Variants in EFR3A observed in about 807,000 individuals in gnomAD.
The protein encoded by EFR3A is protein EFR3 homolog A.
In EFR3A, 76 loss-of-function variants were observed where a neutral mutation model predicts 104.4. The observed-to-expected ratio is 0.73, with a 90% CI of 0.60 to 0.88. EFR3A has a LOEUF of 0.88. EFR3A is among the 40% of genes least tolerant of loss of function. The pLI is 0.00. For missense variants in EFR3A, 985 were observed against 1,012.5 expected (o/e 0.97, Z 0.37); for synonymous variants, 330 against 330.0 (o/e 1.00, Z 0.00).
chr8:131,915,479 G>A (rs1445402721), intron 1 of EFR3A, among the ~76,000 whole-genome samples: 1 of 152,158 alleles, frequency 6.6e-6, no homozygotes. Context: ...AAGCACTGCT[G>A]GCTGGAGAAT....
intron 8 of EFR3A, among the ~76,000 whole-genome samples, chr8:131,960,387 A>G (rs184262229): frequency 1.3e-4 from 20 of 152,224 alleles, no homozygotes; most frequent in African/African-American, 4.6e-4. Context: ...CAGGACTTGA[A>G]TATGTGCAGA....
intron 1 of EFR3A, among the ~76,000 whole-genome samples, chr8:131,921,722 T>G (rs1193898942): frequency 6.6e-6 from 1 of 152,312 alleles, no homozygotes; most frequent in Admixed American, 6.5e-5. Flanking sequence ...TTTCCTTGTC[T>G]TAGTTATTTT....
At chr8:131,966,031 A>G (rs1004588143) in intron 8 of EFR3A, among the ~76,000 whole-genome samples, 3 of 152,054 alleles carry the variant, frequency 2.0e-5, no homozygotes, top group Admixed American at 1.3e-4. Context: ...TGGACACAGG[A>G]AGGGGAACAT....
chr8:131,909,735 A>G lies in EFR3A; in HGVS notation c.10+5413A>G, dbSNP rs181593981. The stretch of plus-strand genomic sequence containing the variant: ...GGTAACAGGGGCTGTCCTATGCACT[A>G]TAGGACATTAAACATCATCCTTGGC... On this transcript the variant is annotated intron_variant, in intron 1 of 22. Transcript: ENST00000254624. 6.7e-3 allele frequency among the ~76,000 whole-genome samples: 1,022 copies of G among 152,222 alleles called. 3 individuals are homozygous for G. Among genetic ancestry groups the G allele is most frequent in the Middle Eastern group, 0.017 (5 of 294 alleles).
At chr8:131,927,470 T>C (rs1817358593) in intron 1 of EFR3A, among the ~76,000 whole-genome samples, 1 of 152,174 alleles carries the variant, frequency 6.6e-6, no homozygotes, top group South Asian at 2.1e-4. Context: ...CATTAAAGTG[T>C]TGTCACACCC....
At chr8:131,917,061 AAAT>A (rs1479908208) in intron 1 of EFR3A, among the ~76,000 whole-genome samples, 2 of 152,240 alleles carry the variant, frequency 1.3e-5, no homozygotes, top group Non-Finnish European at 2.9e-5. Context: ...AAGCTAAAAT[AAAT>A]AATATAGAAC....
At chr8:131,976,180 T>TTCAAATGTTAGGATAAA in intron 11 of EFR3A, 39 bp downstream of exon 11, 1 of 1,275,488 alleles carries the variant, frequency 7.8e-7, no homozygotes, top group South Asian at 1.4e-5. Flanking sequence ...TAATCTTGAG[T>TTCAAATGTTAGGATAAA]TACATTTTAT....
intron 1 of EFR3A, among the ~76,000 whole-genome samples, chr8:131,922,585 A>G (rs944765494): frequency 7.9e-5 from 12 of 152,162 alleles, no homozygotes; most frequent in African/African-American, 1.9e-4. Flanking sequence ...TCAACCCACA[A>G]CACTTGTCCA....
intron 14 of EFR3A, among the ~76,000 whole-genome samples, chr8:131,979,691 A>G (rs1314866884): frequency 6.6e-6 from 1 of 152,072 alleles, no homozygotes; most frequent in Non-Finnish European, 1.5e-5. Context: ...TTGCCCTGGC[A>G]GTCCTCTCCC....
rs1186943074 is a variant in EFR3A, at chr8:131,981,051, A to G, written c.1575+1630A>G. Among the ~76,000 whole-genome samples the G allele has an allele frequency of 2.7e-5, 4 of 150,010 alleles. No homozygotes were observed. The Admixed American group carries it at 2.7e-4, about 10-fold the overall frequency. ...TATATATATATATATATATACACAC[A>G]CTACATTTTCTTTATCCATTCATCT... On this transcript the variant is annotated intron_variant, in intron 14 of 22. Transcript: ENST00000254624.
At chr8:131,906,197 T>C (rs2130357975) in intron 1 of EFR3A, among the ~76,000 whole-genome samples, 1 of 152,348 alleles carries the variant, frequency 6.6e-6, no homozygotes, top group Middle Eastern at 3.4e-3. Flanking sequence ...ATTGCTGGGA[T>C]AGTGCAGTGG....
chr8:131,971,749 C>T (rs1291152632), intron 10 of EFR3A, among the ~76,000 whole-genome samples: 1 of 151,606 alleles, frequency 6.6e-6, no homozygotes, highest in African/African-American at 2.4e-5. Flanking sequence ...GTGATATGTT[C>T]TTCTCAGATT....
intron 8 of EFR3A, among the ~76,000 whole-genome samples, chr8:131,964,953 C>G (rs1246065071): frequency 2.0e-5 from 3 of 152,084 alleles, no homozygotes; most frequent in African/African-American, 7.2e-5. Flanking sequence ...CTGAGAAAAA[C>G]AAGAAATGGG....
intron 22 of EFR3A, among the ~76,000 whole-genome samples, chr8:132,004,530 A>AC (rs543075590): frequency 5.1e-4 from 78 of 152,264 alleles, no homozygotes; most frequent in African/African-American, 1.8e-3. Context: ...CCTTGGAAAA[A>AC]CTGTCTTCCA....
intron 8 of EFR3A, 94 bp downstream of exon 8, chr8:131,959,757 A>T (rs996488322): frequency 6.5e-5 from 48 of 735,126 alleles, no homozygotes; most frequent in Non-Finnish European, 4.3e-6. Context: ...AAGCTGTAGG[A>T]TATAAATCAT....
At chr8:131,910,991 G>A (rs548600114) in intron 1 of EFR3A, among the ~76,000 whole-genome samples, 10 of 152,262 alleles carry the variant, frequency 6.6e-5, no homozygotes, top group East Asian at 1.9e-4. Context: ...GACATGAGTC[G>A]TTTGTCTAGG....
At chr8:131,937,817 G>C (rs1299841803) in intron 1 of EFR3A, among the ~76,000 whole-genome samples, 1 of 149,190 alleles carries the variant, frequency 6.7e-6, no homozygotes, top group Non-Finnish European at 1.5e-5. Flanking sequence ...GAAAGAGGAA[G>C]TTGGGAAGAG....
Position 132,012,539 on chromosome 8 carries a change from C to T in EFR3A, c.*1644C>T, listed in dbSNP as rs1486352287. The T allele has an allele frequency of 6.6e-6, 1 of 152,508 alleles. No individual in the cohort carries two copies. Among genetic ancestry groups the T allele is most frequent in the African/African-American group, 2.4e-5 (1 of 41,420 alleles). 9.4% of individuals were successfully genotyped at this position (152,508 alleles called of 1,614,324 possible). A position where few individuals can be genotyped will look rare whatever the true frequency, so the allele number is the denominator to read the frequency against. Reference sequence around the variant, plus strand: ...GGCAGCTGTCACTGGAACTTTGCCTCTTGATCAGGAAAAATGCTTCACCAG... The same window carrying T: ...GGCAGCTGTCACTGGAACTTTGCCTTTTGATCAGGAAAAATGCTTCACCAG... On this transcript the variant is annotated 3_prime_UTR_variant, in exon 23 of 23. Transcript: ENST00000254624.
In EFR3A at chr8:131,993,829, T is replaced by G. The variant is rs529301165; in HGVS notation, c.2066-2577T>G. Among the ~76,000 whole-genome samples, 275 of 152,214 alleles carry G rather than the reference T, an allele frequency of 1.8e-3. 2 individuals are homozygous for G. Among genetic ancestry groups the G allele is most frequent in the African/African-American group, 6.4e-3 (267 of 41,520 alleles). On this transcript the variant is annotated intron_variant, in intron 18 of 22. Coordinates refer to ENST00000254624, the MANE Select transcript of EFR3A (RefSeq NM_015137.6). The stretch of plus-strand genomic sequence containing the variant: ...CATAGGCGTGTGCAAACCAACACAG[T>G]AACAGAAAACCAAATACCACATGTT...
Sources: gnomAD v4.1 joint callset for allele counts (sites outside exome capture counted in the v4.1 genomes callset) on GRCh38, gnomAD v4.1.1 for gene constraint, MANE v1.5 for transcripts, NCBI Gene and HGNC (gene_info 2026-07-23, HGNC 2026-07-21) for gene names.